LRRTM4: variants seen among roughly 807,000 people sequenced by gnomAD.
LRRTM4 encodes the protein leucine rich repeat transmembrane neuronal 4, also known as leucine-rich repeat transmembrane neuronal protein 4.
LRRTM4 carries 25 observed loss-of-function variants against 47.6 expected under a neutral mutation model. That is an observed-to-expected ratio of 0.53 (90% CI 0.38 to 0.73). The LOEUF is 0.73. Ranked by LOEUF, LRRTM4 falls within the 30% of genes least tolerant of loss-of-function variation. The pLI is 0.00. For missense variants in LRRTM4, 638 were observed against 713.4 expected, an observed-to-expected ratio of 0.89 and a Z score of 1.20; for synonymous variants, 311 against 269.5, an observed-to-expected ratio of 1.15 and a Z score of -1.51.
chr2:77,353,664 A>G (rs541078558), intron 3 of LRRTM4, among the ~76,000 whole-genome samples: 1 of 151,678 alleles, frequency 6.6e-6, no homozygotes, highest in Non-Finnish European at 1.5e-5. Context: ...AAGCTTTTTC[A>G]TGTGTAAGAA....
At chr2:76,883,749 G>T (rs183249139) in intron 3 of LRRTM4, among the ~76,000 whole-genome samples, 1 of 152,174 alleles carries the variant, frequency 6.6e-6, no homozygotes, top group Non-Finnish European at 1.5e-5. Context: ...AGCCATCTCA[G>T]CTTTCATGAT....
At chr2:77,466,647 A>C (rs949836873) in intron 3 of LRRTM4, among the ~76,000 whole-genome samples, 1 of 152,044 alleles carries the variant, frequency 6.6e-6, no homozygotes, top group Non-Finnish European at 1.5e-5. Context: ...TTCTGAAAGA[A>C]TCTGTCTCCA....
intron 3 of LRRTM4, among the ~76,000 whole-genome samples, chr2:77,291,945 A>C (rs1375321608): frequency 6.6e-6 from 1 of 152,004 alleles, no homozygotes; most frequent in Non-Finnish European, 1.5e-5. Flanking sequence ...CAATCTACTC[A>C]TCTGACAAAG....
intron 3 of LRRTM4, among the ~76,000 whole-genome samples, chr2:77,407,504 T>G (rs536124593): frequency 6.7e-6 from 1 of 149,662 alleles, no homozygotes; most frequent in South Asian, 2.1e-4. Flanking sequence ...TTTTTGGGGT[T>G]TTTTTGTTTG....
intron 3 of LRRTM4, among the ~76,000 whole-genome samples, chr2:76,992,698 C>T (rs1677051351): frequency 6.6e-6 from 1 of 151,416 alleles, no homozygotes; most frequent in African/African-American, 2.4e-5. Context: ...GGCTATACTG[C>T]CCAAAACAAC....
chr2:76,940,547 A>G (rs1675102068), intron 3 of LRRTM4, among the ~76,000 whole-genome samples: 1 of 152,072 alleles, frequency 6.6e-6, no homozygotes, highest in Admixed American at 6.6e-5. Flanking sequence ...ACTAGGCTTA[A>G]CACATGGGTG....
At chr2:77,497,036 T>A (rs1678389252) in intron 3 of LRRTM4, among the ~76,000 whole-genome samples, 1 of 151,726 alleles carries the variant, frequency 6.6e-6, no homozygotes, top group Non-Finnish European at 1.5e-5. Flanking sequence ...AGCTTATGTA[T>A]CTGAAAAATG....
chr2:77,285,353 T>TATATATATATATAC (rs1447799981), intron 3 of LRRTM4, among the ~76,000 whole-genome samples: 2 of 142,110 alleles, frequency 1.4e-5, no homozygotes, highest in African/African-American at 5.1e-5. Flanking sequence ...TATATATATA[T>TATATATATATATAC]ATATATATAT....
At chr2:77,337,270 A>C (rs1388548369) in intron 3 of LRRTM4, among the ~76,000 whole-genome samples, 1 of 152,128 alleles carries the variant, frequency 6.6e-6, no homozygotes, top group Admixed American at 6.6e-5. Flanking sequence ...TGGAAGAATC[A>C]AGGTCATTAA....
intron 3 of LRRTM4, among the ~76,000 whole-genome samples, chr2:77,005,497 G>T (rs62170209): frequency 0.12 from 18,204 of 152,124 alleles, 1,369 homozygotes; most frequent in Admixed American, 0.19. Context: ...GGGGTGCAAT[G>T]ATACGGTTTG....
intron 3 of LRRTM4, among the ~76,000 whole-genome samples, chr2:77,137,119 C>T (rs1002035229): frequency 1.3e-5 from 2 of 151,742 alleles, no homozygotes; most frequent in African/African-American, 2.4e-5. Flanking sequence ...TCAGGAAATA[C>T]ATAGAGTACC....
At chr2:77,132,808 G>C (rs1227130372) in intron 3 of LRRTM4, among the ~76,000 whole-genome samples, 1 of 151,974 alleles carries the variant, frequency 6.6e-6, no homozygotes, top group Non-Finnish European at 1.5e-5. Context: ...AATTATGGGA[G>C]ACATTCAGAT....
chr2:76,807,389 T>C (rs1293192728), intron 3 of LRRTM4, among the ~76,000 whole-genome samples: 1 of 126,906 alleles, frequency 7.9e-6, no homozygotes, highest in African/African-American at 3.5e-5. Context: ...ATTTTATATA[T>C]ATATATATAT....
At chr2:77,102,339 C>A (rs1670976838) in intron 3 of LRRTM4, among the ~76,000 whole-genome samples, 1 of 152,180 alleles carries the variant, frequency 6.6e-6, no homozygotes, top group Non-Finnish European at 1.5e-5. Flanking sequence ...TCCCACCTTA[C>A]TGCTCTTAGG....
chr2:77,479,793 TTC>T (rs1558762929), intron 3 of LRRTM4, among the ~76,000 whole-genome samples: 1 of 151,942 alleles, frequency 6.6e-6, no homozygotes, highest in Non-Finnish European at 1.5e-5. Flanking sequence ...CTCTTTCTCT[TTC>T]TCTCTCTCTT....
chr2:77,466,287 G>A (rs767778596), intron 3 of LRRTM4, among the ~76,000 whole-genome samples: 1 of 152,174 alleles, frequency 6.6e-6, no homozygotes, highest in Non-Finnish European at 1.5e-5. Context: ...GACCCCAAAT[G>A]AATTACTTCA....
chr2:76,816,819 G>GTTTTCTTTTT (rs1670910829), intron 3 of LRRTM4, among the ~76,000 whole-genome samples: 1 of 96,524 alleles, frequency 1.0e-5, no homozygotes, highest in African/African-American at 3.2e-5. Context: ...GAGGTAAAGA[G>GTTTTCTTTTT]TTTTTTTTTT....
In LRRTM4 at chr2:77,206,111, G is replaced by A. The variant is rs181682743; in HGVS notation, c.1551+312207C>T. ...AACTACCTTGGCCTTCTAAAGTGCT[G>A]AGATGACAGGCATGAGCCACCATGC... On this transcript the variant is annotated intron_variant, in intron 3 of 3. Transcript: ENST00000409884. Among the ~76,000 whole-genome samples the A allele has an allele frequency of 1.3e-4, 19 of 151,784 alleles. No individual in the cohort carries two copies. The East Asian group carries it at 3.5e-3, about 28-fold the overall frequency.
intron 3 of LRRTM4, among the ~76,000 whole-genome samples, chr2:76,937,522 A>T (rs1051615264): frequency 7.9e-5 from 12 of 152,340 alleles, no homozygotes; most frequent in Admixed American, 2.0e-4. Flanking sequence ...TAATGTAGGC[A>T]TTAGGCAAGT....
Sources: allele counts gnomAD v4.1 joint callset (sites outside exome capture counted in the v4.1 genomes callset), GRCh38; gene constraint gnomAD v4.1.1; transcripts MANE v1.5; gene names NCBI Gene and HGNC (gene_info 2026-07-23, HGNC 2026-07-21).